Variants in CSMD1 observed in about 807,000 individuals in gnomAD.
CSMD1 encodes CUB and Sushi multiple domains 1.
In CSMD1, 213 loss-of-function variants were observed where a neutral mutation model predicts 417.5. That is an observed-to-expected ratio of 0.51 (90% CI 0.46 to 0.57). The LOEUF (loss-of-function observed/expected upper bound fraction) is 0.57, where lower values mean the gene tolerates loss of function less well. Ranked by LOEUF, CSMD1 falls within the 20% of genes least tolerant of loss-of-function variation. The pLI, the probability that CSMD1 is intolerant of heterozygous loss-of-function variation, is 0.00. For synonymous variants in CSMD1, 2,862 were observed against 1,736.8 expected (o/e 1.65, Z -16.11); for missense variants, 6,923 against 4,529.7 (o/e 1.53, Z -15.17).
intron 3 of CSMD1, among the ~76,000 whole-genome samples, chr8:4,209,136 T>C (rs771057982): frequency 4.6e-5 from 7 of 152,204 alleles, no homozygotes; most frequent in Admixed American, 1.3e-4. Context: ...TCATGATTTC[T>C]ATCTAAAACC....
At chr8:3,319,816 A>T (rs1220837146) in intron 23 of CSMD1, among the ~76,000 whole-genome samples, 1 of 152,146 alleles carries the variant, frequency 6.6e-6, no homozygotes, top group Non-Finnish European at 1.5e-5. Context: ...CTCAGCACAT[A>T]ATTTTAATTT....
At chr8:3,791,584 G>A (rs1045479047) in intron 5 of CSMD1, among the ~76,000 whole-genome samples, 5 of 152,180 alleles carry the variant, frequency 3.3e-5, no homozygotes, top group Admixed American at 1.3e-4. Context: ...AGCACTTTGG[G>A]AGGCCTAGGA....
chr8:3,389,503 G>C (rs1033765239), intron 17 of CSMD1, among the ~76,000 whole-genome samples: 2 of 151,852 alleles, frequency 1.3e-5, no homozygotes, highest in South Asian at 2.1e-4. Context: ...TAGGTTTCTG[G>C]GGAAAAAAAA....
At chr8:3,968,979 A>T (rs1812881970) in intron 5 of CSMD1, among the ~76,000 whole-genome samples, 1 of 152,318 alleles carries the variant, frequency 6.6e-6, no homozygotes, top group Admixed American at 6.5e-5. Context: ...GGGCAGGGAC[A>T]GTGGCTCATA....
chr8:4,360,890 C>T (rs1176215836), intron 3 of CSMD1, among the ~76,000 whole-genome samples: 1 of 152,098 alleles, frequency 6.6e-6, no homozygotes, highest in Non-Finnish European at 1.5e-5. Context: ...ACTGACAGGT[C>T]CCCTGAAAGT....
rs539004397 is a variant in CSMD1 at position 4,145,628 on chromosome 8, A to T, written c.416-113529T>A. ...AGTGTCAAAGTCCTCGGCTCAAGCG[A>T]TCCTGCCCACTTGGCCTCTCAAAGT... On this transcript the variant is annotated intron_variant, in intron 3 of 69. Transcript: ENST00000635120. Among the ~76,000 whole-genome samples the T allele has an allele frequency of 2.8e-4, 42 of 150,908 alleles. 1 individual carries two copies. Among genetic ancestry groups the T allele is most frequent in the African/African-American group, 9.9e-4 (40 of 40,272 alleles).
chr8:3,998,927 T>G (rs939313341), intron 4 of CSMD1, among the ~76,000 whole-genome samples: 1 of 148,898 alleles, frequency 6.7e-6, no homozygotes, highest in African/African-American at 2.4e-5. Context: ...ACAAACTATA[T>G]AGTAGTTTAT....
chr8:3,345,222 C>G (rs1439576506), intron 22 of CSMD1, among the ~76,000 whole-genome samples: 1 of 152,182 alleles, frequency 6.6e-6, no homozygotes, highest in Non-Finnish European at 1.5e-5. Context: ...CTCATGAGGA[C>G]TTGACCAAGC....
intron 3 of CSMD1, among the ~76,000 whole-genome samples, chr8:4,283,478 G>C (rs1011250580): frequency 6.6e-6 from 1 of 152,054 alleles, no homozygotes; most frequent in Admixed American, 6.6e-5. Context: ...CTCCCACTTT[G>C]TACCAATATA....
intron 57 of CSMD1, among the ~76,000 whole-genome samples, chr8:2,972,911 G>C (rs1049259743): frequency 6.6e-6 from 1 of 152,182 alleles, no homozygotes; most frequent in Non-Finnish European, 1.5e-5. Context: ...ATAAGCATCC[G>C]TGTGATGGGA....
intron 1 of CSMD1, among the ~76,000 whole-genome samples, chr8:4,786,996 C>A (rs1797433345): frequency 6.6e-6 from 1 of 152,166 alleles, no homozygotes; most frequent in Admixed American, 6.5e-5. Context: ...ACTGGAGAGA[C>A]CCCGTGTGTG....
At chr8:4,940,371 G>T (rs961943261) in intron 1 of CSMD1, among the ~76,000 whole-genome samples, 4 of 152,098 alleles carry the variant, frequency 2.6e-5, no homozygotes, top group Non-Finnish European at 1.5e-5. Context: ...AAATTGAGTG[G>T]AAATATACAG....
At chr8:4,741,996 C>T (rs1189809252) in intron 1 of CSMD1, among the ~76,000 whole-genome samples, 3 of 127,672 alleles carry the variant, frequency 2.3e-5, no homozygotes, top group Admixed American at 1.6e-4. Flanking sequence ...CACCACCACA[C>T]CCACTTTTTT....
At chr8:2,948,447 T>C (rs1003933621) in intron 68 of CSMD1, among the ~76,000 whole-genome samples, 1 of 152,134 alleles carries the variant, frequency 6.6e-6, no homozygotes, top group African/African-American at 2.4e-5. Flanking sequence ...CAGAAAGCTA[T>C]AAAGAAGGAA....
At chr8:4,124,907 A>G (rs914673101) in intron 3 of CSMD1, among the ~76,000 whole-genome samples, 3 of 152,330 alleles carry the variant, frequency 2.0e-5, no homozygotes, top group East Asian at 3.9e-4. Flanking sequence ...AGGAGATATA[A>G]GCATAAGACA....
At chr8:3,771,566 C>G (rs927320770) in intron 5 of CSMD1, among the ~76,000 whole-genome samples, 8 of 152,068 alleles carry the variant, frequency 5.3e-5, no homozygotes, top group Admixed American at 5.2e-4. Flanking sequence ...AAACACAGCC[C>G]TAGAGACCTG....
intron 3 of CSMD1, among the ~76,000 whole-genome samples, chr8:4,232,118 G>T (rs1278043867): frequency 6.6e-6 from 1 of 152,158 alleles, no homozygotes; most frequent in African/African-American, 2.4e-5. Flanking sequence ...ATACTTTCAA[G>T]ATTTTCACTT....
chr8:3,532,737 A>G (rs903360761), intron 10 of CSMD1, among the ~76,000 whole-genome samples: 2 of 152,216 alleles, frequency 1.3e-5, no homozygotes, highest in South Asian at 2.1e-4. Flanking sequence ...AGTATGTCAT[A>G]TCTATTGATC....
intron 1 of CSMD1, among the ~76,000 whole-genome samples, chr8:4,654,431 A>G (rs1004735822): frequency 5.3e-5 from 8 of 151,998 alleles, no homozygotes; most frequent in Admixed American, 5.2e-4. Flanking sequence ...TTGCTTGGTG[A>G]GTTTGGAAAA....
Sources: gnomAD v4.1 joint callset for allele counts (sites outside exome capture counted in the v4.1 genomes callset) on GRCh38, gnomAD v4.1.1 for gene constraint, MANE v1.5 for transcripts, NCBI Gene and HGNC (gene_info 2026-07-23, HGNC 2026-07-21) for gene names.